SLC34A2: variants seen among roughly 807,000 people sequenced by gnomAD.
SLC34A2 encodes the protein sodium-dependent phosphate transport protein 2B.
SLC34A2 carries 41 observed loss-of-function variants against 50.8 expected under a neutral mutation model. The observed-to-expected ratio is 0.81, with a 90% CI of 0.63 to 1.05. SLC34A2 has a LOEUF of 1.05. Ranked by LOEUF, SLC34A2 falls within the 50% of genes least tolerant of loss-of-function variation. SLC34A2 has a pLI of 0.00. For synonymous variants in SLC34A2, 401 were observed against 364.2 expected (o/e 1.10, Z -1.15); for missense variants, 879 against 876.7 (o/e 1.00, Z -0.03).
intron 4 of SLC34A2, among the ~76,000 whole-genome samples, chr4:25,665,431 G>A (rs1714445267): frequency 6.6e-6 from 1 of 152,094 alleles, no homozygotes; most frequent in Admixed American, 6.5e-5. Context: ...GCCTCCCGAA[G>A]TGCTGGGATT....
In SLC34A2 at chr4:25,676,123, C is replaced by G. The variant is rs1715095280; in HGVS notation, c.1459-12C>G. The G allele has an allele frequency of 1.2e-6, 2 of 1,613,816 alleles. No homozygotes were observed. Among genetic ancestry groups the G allele is most frequent in the Non-Finnish European group, 8.5e-7 (1 of 1,180,024 alleles). ...AACAGGCCCCTCACCTGTCCAACCT[C>G]TTGTGTTGCAGATCGCCCTGTGCCA... On this transcript the variant is annotated splice_polypyrimidine_tract_variant and intron_variant, in intron 12 of 12. Transcript: ENST00000382051.
chr4:25,657,018 C>T (rs1454337215), intron 1 of SLC34A2, among the ~76,000 whole-genome samples: 1 of 152,142 alleles, frequency 6.6e-6, no homozygotes, highest in African/African-American at 2.4e-5. Flanking sequence ...AAAAAGATTG[C>T]CTCTTTTGTC....
chr4:25,658,088 G>A (rs1314701573), intron 1 of SLC34A2, among the ~76,000 whole-genome samples: 2 of 152,152 alleles, frequency 1.3e-5, no homozygotes, highest in Non-Finnish European at 2.9e-5. Flanking sequence ...GTGATTTGAA[G>A]CCATTAACCT....
intron 1 of SLC34A2, among the ~76,000 whole-genome samples, chr4:25,657,026 G>C (rs1385351349): frequency 1.3e-5 from 2 of 152,154 alleles, no homozygotes; most frequent in South Asian, 4.1e-4. Flanking sequence ...TGCCTCTTTT[G>C]TCCCATGCCC....
rs528548762 is a variant in SLC34A2 at position 25,669,661 on chromosome 4, C to G, written c.650C>G (p.Ala217Gly). 6 of 1,614,042 alleles carry G rather than the reference C, an allele frequency of 3.7e-6. No homozygotes were observed. The highest frequency in any genetic ancestry group is 5.1e-6 in the Non-Finnish European group (6 of 1,180,034). The change falls in exon 7 of 13, where the codon GCC (alanine) becomes GGC (glycine). Residue 217 changes from alanine (A) to glycine (G), a missense_variant. By Grantham distance (60) the Ala-to-Gly change is moderately conservative. Coordinates refer to ENST00000382051, the MANE Select transcript of SLC34A2 (RefSeq NM_006424.3). ...RSEFRRAFAG[A>G]TVHDFFNWLS... ...CCCTCCCATAGAGCTTTTGCAGGAG[C>G]CACTGTCCATGACTTCTTCAACTGG...
Position 25,676,631 on chromosome 4 carries a change from A to G in SLC34A2, c.1955A>G (p.Gln652Arg), listed in dbSNP as rs747118884. 5.0e-6 allele frequency: 8 copies of G among 1,613,998 alleles called. No homozygotes were observed. The African/African-American group carries it at 9.3e-5, about 19-fold the overall frequency. The change falls in exon 13 of 13, where the codon CAG becomes CGG. Residue 652 changes from glutamine (Q) to arginine (R), a missense_variant. Physicochemically the swap from Gln to Arg is conservative, Grantham distance 43. Coordinates refer to ENST00000382051, the MANE Select transcript of SLC34A2 (RefSeq NM_006424.3). ...SKCCEDLEEA[Q>R]EGQDVPVKAP... ...TGCTGCGAGGACTTGGAGGAGGCGC[A>G]GGAGGGGCAGGATGTCCCTGTCAAG...
At position 25,678,545 on chromosome 4, in the gene SLC34A2, A is replaced by C. The variant is rs1346020492; in HGVS notation, c.*1796A>C. On this transcript the variant is annotated 3_prime_UTR_variant, in exon 13 of 13. Transcript: ENST00000382051. ...TTAAAAATTGAATCTTTGTACTTGC[A>C]TTGATTGTATAATAATTTTGAGACC... 3.4e-5 allele frequency: 7 copies of C among 204,294 alleles called. No homozygotes were observed. The highest frequency in any genetic ancestry group is 7.0e-5 in the Non-Finnish European group (7 of 99,568). The allele number at this position is 204,294 out of a possible 1,614,324, so 12.7% of individuals were successfully genotyped here.
At position 25,671,713 on chromosome 4, in the gene SLC34A2, T is replaced by G. The variant is rs1296496065; in HGVS notation, c.1040T>G (p.Ile347Ser). 3.7e-6 allele frequency: 6 copies of G among 1,614,178 alleles called. No individual in the cohort carries two copies. The highest frequency in any genetic ancestry group is 5.1e-6 in the Non-Finnish European group (6 of 1,180,034). ...TMKNVTYKEN[I>S]AKCQHIFVNF... ...AAGAATGTGACCTACAAGGAGAACATCGCCAAATGTGAGTGGAGCTCAGTG... is the reference window on the plus strand; with the variant it reads ...AAGAATGTGACCTACAAGGAGAACAGCGCCAAATGTGAGTGGAGCTCAGTG... The change falls in exon 9 of 13, where the codon ATC becomes AGC. Residue 347 changes from isoleucine to serine, a missense_variant. Transcript: ENST00000382051.
chr4:25,671,510 TG>T, intron 8 of SLC34A2, 90 bp from the exon 9 acceptor site: 1 of 1,510,050 alleles, frequency 6.6e-7, no homozygotes. Context: ...CCATGGGTGG[TG>T]TCTGCGCCTG....
chr4:25,675,707 C>T (rs953329661), intron 12 of SLC34A2, among the ~76,000 whole-genome samples: 12 of 152,250 alleles, frequency 7.9e-5, no homozygotes, highest in Middle Eastern at 3.4e-3. Flanking sequence ...TGTGGACATG[C>T]GGCTAGTGTA....
In SLC34A2 at chr4:25,678,721, G is replaced by C; in HGVS notation, c.*1972G>C. On this transcript the variant is annotated 3_prime_UTR_variant, in exon 13 of 13. Coordinates refer to ENST00000382051, the MANE Select transcript of SLC34A2 (RefSeq NM_006424.3). ...TTTTTTTTTTTACTGGTTATGGGAA[G>C]GGAGAAATAAAATCATCAAACCCAA... is the stretch of plus-strand genomic sequence containing the variant. 2.1e-6 allele frequency: 1 copy of C among 487,696 alleles called. No homozygotes were observed. The highest frequency in any genetic ancestry group is 3.7e-6 in the Non-Finnish European group (1 of 270,742). The allele number at this position is 487,696 out of a possible 1,614,324, so 30.2% of individuals were successfully genotyped here. A position where few individuals can be genotyped will look rare whatever the true frequency, so the allele number is the denominator to read the frequency against.
chr4:25,673,271 C>T lies in SLC34A2; in HGVS notation c.1216+17C>T, dbSNP rs1310656342. The T allele has an allele frequency of 7.3e-7, 1 of 1,378,496 alleles. No homozygotes were observed. The highest frequency in any genetic ancestry group is 9.6e-7 in the Non-Finnish European group (1 of 1,037,446). The allele number at this position is 1,378,496 out of a possible 1,614,324, so 85.4% of individuals were successfully genotyped here. On this transcript the variant is annotated intron_variant, in intron 10 of 12. Coordinates refer to ENST00000382051, the MANE Select transcript of SLC34A2 (RefSeq NM_006424.3). The stretch of plus-strand genomic sequence containing the variant: ...TCAACACTGGTAGGTACACTGCCCT[C>T]ACTTGTAGGCCTCACATGTAGTCAC...
chr4:25,669,781 GAGA>G lies in SLC34A2; in HGVS notation c.774_776del (p.Glu258del). 6.2e-7 allele frequency: 1 copy of G among 1,614,178 alleles called. No homozygotes were observed. The highest frequency in any genetic ancestry group is 1.1e-5 in the South Asian group (1 of 91,076). On this transcript the variant is annotated inframe_deletion, in exon 7 of 13. Transcript: ENST00000382051. ...GTGGAGAGCTTCCACTTCAAGAATG[GAGA>G]AGATGCCCCAGATCTTCTGAAAGTC...
At chr4:25,670,985 AG>A in intron 8 of SLC34A2, 152 bp downstream of exon 8, 1 of 693,850 alleles carries the variant, frequency 1.4e-6, no homozygotes, top group Non-Finnish European at 2.6e-6. Context: ...GAATGCCTTT[AG>A]AAAACAAGTC....
intron 7 of SLC34A2, among the ~76,000 whole-genome samples, chr4:25,670,159 G>A (rs1714739835): frequency 6.6e-6 from 1 of 152,222 alleles, no homozygotes; most frequent in East Asian, 1.9e-4. Context: ...GGAGGTCAAG[G>A]CTGCAGTGAG....
At chr4:25,672,432 G>T (rs1383907060) in intron 9 of SLC34A2, among the ~76,000 whole-genome samples, 1 of 152,190 alleles carries the variant, frequency 6.6e-6, no homozygotes, top group Non-Finnish European at 1.5e-5. Context: ...GAGCTTGCAT[G>T]ATGCTCTGAT....
intron 6 of SLC34A2, among the ~76,000 whole-genome samples, chr4:25,668,907 GT>G (rs1343657925): frequency 3.2e-4 from 44 of 139,362 alleles, no homozygotes; most frequent in African/African-American, 6.7e-4. Flanking sequence ...TTTTTTTTCA[GT>G]TTTTTTTTAA....
intron 4 of SLC34A2, among the ~76,000 whole-genome samples, chr4:25,665,804 G>C (rs921839188): frequency 1.3e-5 from 2 of 152,150 alleles, no homozygotes; most frequent in African/African-American, 2.4e-5. Context: ...AGAAGGGCTT[G>C]CTGACTGAGG....
At chr4:25,663,949 C>T (rs1026254387) in intron 3 of SLC34A2, among the ~76,000 whole-genome samples, 1 of 152,166 alleles carries the variant, frequency 6.6e-6, no homozygotes, top group Non-Finnish European at 1.5e-5. Context: ...CCCCTCCTCC[C>T]AAACGCAAAT....
Sources: allele counts gnomAD v4.1 joint callset (sites outside exome capture counted in the v4.1 genomes callset), GRCh38; gene constraint gnomAD v4.1.1; transcripts MANE v1.5; gene names NCBI Gene and HGNC (gene_info 2026-07-23, HGNC 2026-07-21).